The following KCNG2 variants were observed in gnomAD, a reference collection of about 807,000 sequenced individuals.
The protein encoded by KCNG2 is potassium voltage-gated channel modifier subfamily G member 2, also known as voltage-gated potassium channel regulatory subunit KCNG2.
KCNG2 carries 7 observed loss-of-function variants against 12.3 expected under a neutral mutation model. The observed-to-expected ratio is 0.57, with a 90% CI of 0.32 to 1.07. KCNG2 has a LOEUF of 1.07. Ranked by LOEUF, KCNG2 falls within the 50% of genes least tolerant of loss-of-function variation. The pLI is 0.04. For missense variants in KCNG2, 703 were observed against 726.0 expected, an observed-to-expected ratio of 0.97 and a Z score of 0.36; for synonymous variants, 414 against 351.4, an observed-to-expected ratio of 1.18 and a Z score of -1.99.
At chr18:79,861,261 TTC>T (rs1555694058) in intron 2 of KCNG2, among the ~76,000 whole-genome samples, 1 of 142,430 alleles carries the variant, frequency 7.0e-6, no homozygotes, top group Non-Finnish European at 1.5e-5. Context: ...CTCTGTTTTC[TTC>T]TCTCTCTCTC....
intron 3 of KCNG2, among the ~76,000 whole-genome samples, chr18:79,881,495 C>A (rs981561462): frequency 6.6e-6 from 1 of 152,214 alleles, no homozygotes; most frequent in Non-Finnish European, 1.5e-5. Flanking sequence ...TTTTAAAGTT[C>A]ATTAATAGCA....
At chr18:79,846,877 T>A (rs916155804) in intron 1 of KCNG2, among the ~76,000 whole-genome samples, 1 of 152,144 alleles carries the variant, frequency 6.6e-6, no homozygotes, top group African/African-American at 2.4e-5. Flanking sequence ...TGCATCTGGA[T>A]GAAGGCCCCA....
At position 79,864,268 on chromosome 18, in the gene KCNG2, G is replaced by A; in HGVS notation, c.601G>A (p.Asp201Asn). ...AVGLCLSTMP[D>N]IRAEEERGEC... ...GGGCCTCTGCCTGAGCACCATGCCG[G>A]ACATCCGCGCCGAGGAGGAGCGGGT... Residue 201 changes from aspartate to asparagine, a missense_variant, in exon 3 of 4, where the codon GAC (aspartate) becomes AAC (asparagine). Physicochemically the swap from Asp to Asn is conservative, Grantham distance 23 (BLOSUM62 1). Transcript: ENST00000316249. 1 of 1,537,742 alleles carries A rather than the reference G, an allele frequency of 6.5e-7. No individual in the cohort carries two copies. Among genetic ancestry groups the A allele is most frequent in the Non-Finnish European group, 8.7e-7 (1 of 1,147,272 alleles).
At chr18:79,852,695 G>A (rs1428549897) in intron 1 of KCNG2, among the ~76,000 whole-genome samples, 3 of 152,230 alleles carry the variant, frequency 2.0e-5, no homozygotes, top group Admixed American at 6.5e-5. Flanking sequence ...CTCTGGAGAT[G>A]AGCTGGACTT....
intron 2 of KCNG2, among the ~76,000 whole-genome samples, chr18:79,859,246 T>C (rs541345121): frequency 8.5e-5 from 13 of 152,330 alleles, no homozygotes; most frequent in African/African-American, 2.9e-4. Context: ...TTTTTATATA[T>C]AGTGTGATGT....
intron 1 of KCNG2, among the ~76,000 whole-genome samples, chr18:79,832,856 C>T (rs1978303734): frequency 6.6e-6 from 1 of 152,178 alleles, no homozygotes; most frequent in Admixed American, 6.5e-5. Context: ...TCTGGGAGGG[C>T]TCCTGCGTCT....
At chr18:79,850,836 A>C (rs745404092) in intron 1 of KCNG2, among the ~76,000 whole-genome samples, 1 of 152,232 alleles carries the variant, frequency 6.6e-6, no homozygotes, top group Non-Finnish European at 1.5e-5. Context: ...GCCCAGTAAG[A>C]ACTCAAACGC....
At chr18:79,876,931 G>A (rs947665309) in intron 3 of KCNG2, among the ~76,000 whole-genome samples, 2 of 152,230 alleles carry the variant, frequency 1.3e-5, no homozygotes, top group African/African-American at 4.8e-5. Flanking sequence ...ATGCCGAGGG[G>A]AAGCTGTGCC....
chr18:79,830,616 GC>G (rs1327624210), intron 1 of KCNG2, among the ~76,000 whole-genome samples: 1 of 152,266 alleles, frequency 6.6e-6, no homozygotes, highest in Non-Finnish European at 1.5e-5. Context: ...CGAGAGAGAT[GC>G]CTCGAAGAGA....
intron 1 of KCNG2, chr18:79,816,522 G>C (rs2087529874): frequency 6.6e-6 from 1 of 152,176 alleles, no homozygotes; most frequent in African/African-American, 2.4e-5. Flanking sequence ...CTTCAAAGTT[G>C]GTTTTCCAAA....
intron 1 of KCNG2, among the ~76,000 whole-genome samples, chr18:79,845,408 A>G (rs1010924886): frequency 6.6e-6 from 1 of 152,190 alleles, no homozygotes; most frequent in Non-Finnish European, 1.5e-5. Context: ...ACCACGGGGA[A>G]AACTGAGTAA....
chr18:79,832,297 C>T (rs1978300527), intron 1 of KCNG2, among the ~76,000 whole-genome samples: 1 of 150,174 alleles, frequency 6.7e-6, no homozygotes, highest in Non-Finnish European at 1.5e-5. Context: ...CCTGCCCATC[C>T]TCACTGTCCT....
In KCNG2 at chr18:79,810,981, C is replaced by A. The variant is rs184215048; in HGVS notation, c.-115+12967C>A. On this transcript the variant is annotated intron_variant, in intron 1 of 3. Coordinates refer to ENST00000316249, the MANE Select transcript of KCNG2 (RefSeq NM_012283.2). ...GAAAGGAAATTAGGAAGACAATTTA[C>A]TATAGCATCAAAAAGAGTAAAACCC... Among the ~76,000 whole-genome samples the A allele has an allele frequency of 2.9e-3, 442 of 152,264 alleles. 1 individual carries two copies. The highest frequency in any genetic ancestry group is 4.6e-3 in the Non-Finnish European group (313 of 68,020).
At chr18:79,833,241 TCCC>T (rs1477034550) in intron 1 of KCNG2, among the ~76,000 whole-genome samples, 1 of 152,020 alleles carries the variant, frequency 6.6e-6, no homozygotes, top group South Asian at 2.1e-4. Flanking sequence ...GATCAAGCAA[TCCC>T]CCCATCTCAG....
At chr18:79,836,840 G>A (rs929366052) in intron 1 of KCNG2, among the ~76,000 whole-genome samples, 2 of 152,098 alleles carry the variant, frequency 1.3e-5, no homozygotes, top group African/African-American at 4.8e-5. Context: ...CTCAACACAT[G>A]AGGATGACAA....
chr18:79,848,412 G>A (rs373879202), intron 1 of KCNG2, among the ~76,000 whole-genome samples: 4 of 152,180 alleles, frequency 2.6e-5, no homozygotes, highest in Admixed American at 2.6e-4. Context: ...GTTGCCGCTC[G>A]GGCTCCTGCA....
chr18:79,825,354 C>A (rs555812413), intron 1 of KCNG2, among the ~76,000 whole-genome samples: 3 of 152,322 alleles, frequency 2.0e-5, no homozygotes, highest in South Asian at 2.1e-4. Flanking sequence ...GGGAAAATAT[C>A]CCTAAGTCAT....
intron 1 of KCNG2, among the ~76,000 whole-genome samples, 107 bp downstream of exon 1, chr18:79,798,121 C>G (rs2087376649): frequency 6.6e-6 from 1 of 151,356 alleles, no homozygotes; most frequent in Non-Finnish European, 1.5e-5. Context: ...CTGATGGTTC[C>G]GCGCGCAGCT....
Position 79,890,847 on chromosome 18 carries a change from G to A in KCNG2, c.625-8193G>A, listed in dbSNP as rs139418232. Among the ~76,000 whole-genome samples the A allele has an allele frequency of 7.7e-4, 118 of 152,258 alleles. No homozygotes were observed. In the East Asian group the frequency reaches 7.9e-3, roughly 10 times the overall value. ...TTTACCTGTTACCTACTGTGACGGCGCACGATTATTCACAGTGCTGCTTTA... is the reference window on the plus strand; with the variant it reads ...TTTACCTGTTACCTACTGTGACGGCACACGATTATTCACAGTGCTGCTTTA... On this transcript the variant is annotated intron_variant, in intron 3 of 3. Coordinates refer to ENST00000316249, the MANE Select transcript of KCNG2 (RefSeq NM_012283.2).
Sources: allele counts gnomAD v4.1 joint callset (sites outside exome capture counted in the v4.1 genomes callset), GRCh38; gene constraint gnomAD v4.1.1; transcripts MANE v1.5; gene names NCBI Gene and HGNC (gene_info 2026-07-23, HGNC 2026-07-21).